The following DLG2 variants were observed in gnomAD, a reference collection of about 807,000 sequenced individuals.
The protein encoded by DLG2 is discs large MAGUK scaffold protein 2.
Under a neutral mutation model 132.5 loss-of-function variants are expected in DLG2, and 45 were observed. The observed-to-expected ratio is 0.34, with a 90% CI of 0.27 to 0.44. The LOEUF (loss-of-function observed/expected upper bound fraction) is 0.44, where lower values mean the gene tolerates loss of function less well. Among genes scored for constraint, DLG2 ranks in the 20% least tolerant of loss-of-function variants. The pLI, the probability that DLG2 is intolerant of heterozygous loss-of-function variation, is 1.00. For missense variants in DLG2, 1,045 were observed against 1,196.9 expected (o/e 0.87, Z 1.87); for synonymous variants, 424 against 419.6 (o/e 1.01, Z -0.13).
chr11:85,506,178 A>T (rs1464115774), intron 3 of DLG2, among the ~76,000 whole-genome samples: 1 of 151,942 alleles, frequency 6.6e-6, no homozygotes, highest in East Asian at 1.9e-4. Context: ...TCCTGGATTC[A>T]TTGATTTTTT....
At chr11:85,111,814 T>C in intron 5 of DLG2, 79 bp from the exon 6 acceptor site, 9 of 1,106,816 alleles carry the variant, frequency 8.1e-6, no homozygotes, top group Non-Finnish European at 1.2e-5. Flanking sequence ...ATGTTTATTA[T>C]CAATATGTTT....
intron 6 of DLG2, among the ~76,000 whole-genome samples, chr11:84,925,702 G>A (rs146351757): frequency 3.3e-5 from 5 of 152,242 alleles, no homozygotes; most frequent in African/African-American, 1.2e-4. Flanking sequence ...GTAAGTCTAG[G>A]CTTCCATACT....
chr11:85,569,371 C>T (rs139088444), intron 3 of DLG2, among the ~76,000 whole-genome samples: 79 of 152,206 alleles, frequency 5.2e-4, no homozygotes, highest in African/African-American at 1.9e-3. Context: ...TAAATGTTTC[C>T]CTCTGAGCAC....
chr11:83,959,633 G>A (rs1477639898), intron 14 of DLG2, among the ~76,000 whole-genome samples: 1 of 152,018 alleles, frequency 6.6e-6, no homozygotes, highest in African/African-American at 2.4e-5. Flanking sequence ...CCTTTATAGC[G>A]AATCTACGGA....
intron 14 of DLG2, among the ~76,000 whole-genome samples, chr11:83,955,764 G>A (rs1344081104): frequency 6.6e-6 from 1 of 152,184 alleles, no homozygotes; most frequent in Non-Finnish European, 1.5e-5. Flanking sequence ...GAGGAACATG[G>A]AAAGACTAGA....
intron 7 of DLG2, among the ~76,000 whole-genome samples, chr11:84,301,651 C>CAAAAAAAAAAAA (rs753899806): frequency 3.8e-5 from 1 of 26,606 alleles, no homozygotes; most frequent in Non-Finnish European, 7.3e-5. Flanking sequence ...AGGCGAGACT[C>CAAAAAAAAAAAA]AAAAAAAAAA....
intron 18 of DLG2, among the ~76,000 whole-genome samples, chr11:83,638,116 G>C (rs892382684): frequency 1.3e-5 from 2 of 152,110 alleles, no homozygotes; most frequent in African/African-American, 4.8e-5. Flanking sequence ...AAACGTTTTA[G>C]AGGAGCTTCA....
At chr11:84,172,653 C>T (rs2095851757) in intron 8 of DLG2, among the ~76,000 whole-genome samples, 1 of 152,016 alleles carries the variant, frequency 6.6e-6, no homozygotes, top group African/African-American at 2.4e-5. Flanking sequence ...ACCAATTCTC[C>T]TGCCTCAGCC....
At chr11:85,436,400 A>T (rs973067666) in intron 3 of DLG2, among the ~76,000 whole-genome samples, 2 of 152,240 alleles carry the variant, frequency 1.3e-5, no homozygotes, top group African/African-American at 4.8e-5. Flanking sequence ...AAATTTTTGC[A>T]ATCTACCCAT....
At chr11:85,049,683 A>T (rs1783749) in intron 6 of DLG2, among the ~76,000 whole-genome samples, 21,636 of 152,060 alleles carry the variant, frequency 0.14, 1,710 homozygotes, top group South Asian at 0.3. Context: ...AATGTTAGGA[A>T]ATATAAACCG....
chr11:85,533,136 G>A (rs888955067), intron 3 of DLG2, among the ~76,000 whole-genome samples: 2 of 152,058 alleles, frequency 1.3e-5, no homozygotes, highest in African/African-American at 4.8e-5. Flanking sequence ...CAATTCCCCT[G>A]CTTCAGCCTC....
At chr11:83,563,078 C>G (rs1292742091) in intron 19 of DLG2, among the ~76,000 whole-genome samples, 1 of 149,866 alleles carries the variant, frequency 6.7e-6, no homozygotes, top group Non-Finnish European at 1.5e-5. Context: ...GGGTTCATGC[C>G]ATTCTCCTGC....
chr11:84,326,251 T>G (rs1374363272), intron 7 of DLG2, among the ~76,000 whole-genome samples: 1 of 152,096 alleles, frequency 6.6e-6, no homozygotes, highest in Non-Finnish European at 1.5e-5. Context: ...TCTAATTATT[T>G]TCTTCCTTCT....
intron 6 of DLG2, among the ~76,000 whole-genome samples, chr11:85,054,209 G>A (rs934770592): frequency 6.6e-6 from 1 of 151,148 alleles, no homozygotes. Flanking sequence ...AGATTGCAGT[G>A]AGCCGAGATC....
At chr11:83,797,492 G>A (rs561565722) in intron 17 of DLG2, among the ~76,000 whole-genome samples, 1 of 151,636 alleles carries the variant, frequency 6.6e-6, no homozygotes, top group South Asian at 2.1e-4. Context: ...TGGTTTAAGT[G>A]TCTGCATTCT....
At chr11:83,866,565 T>C (rs1466522988) in intron 16 of DLG2, among the ~76,000 whole-genome samples, 1 of 152,126 alleles carries the variant, frequency 6.6e-6, no homozygotes, top group Non-Finnish European at 1.5e-5. Context: ...TCTAGTTGGA[T>C]ATTCTGCAGC....
At chr11:84,203,237 G>A (rs1234401447) in intron 8 of DLG2, among the ~76,000 whole-genome samples, 1 of 152,136 alleles carries the variant, frequency 6.6e-6, no homozygotes, top group African/African-American at 2.4e-5. Context: ...TGATAGACTG[G>A]ATAAAGAAAA....
intron 6 of DLG2, among the ~76,000 whole-genome samples, chr11:85,081,680 A>T (rs1418701491): frequency 1.3e-5 from 2 of 152,144 alleles, no homozygotes; most frequent in Non-Finnish European, 2.9e-5. Flanking sequence ...GAGCTTTTTA[A>T]CTGCAGCAAC....
In DLG2 at chr11:83,587,642, T is replaced by C. The variant is rs192747749; in HGVS notation, c.1940+45569A>G. Among the ~76,000 whole-genome samples the C allele has an allele frequency of 3.3e-4, 51 of 152,252 alleles. 2 individuals carry two copies. Among genetic ancestry groups the C allele is most frequent in the African/African-American group, 1.2e-3 (50 of 41,558 alleles). ...ACTCTATGTATCTATAGAATTTATA[T>C]AGAGAGGAATAGGAACAGCTCCGGT... is the stretch of plus-strand genomic sequence containing the variant. On this transcript the variant is annotated intron_variant, in intron 19 of 27. Coordinates refer to ENST00000376104, the MANE Select transcript of DLG2 (RefSeq NM_001142699.3).
Sources: allele counts gnomAD v4.1 joint callset (sites outside exome capture counted in the v4.1 genomes callset), GRCh38; gene constraint gnomAD v4.1.1; transcripts MANE v1.5; gene names NCBI Gene and HGNC (gene_info 2026-07-23, HGNC 2026-07-21).